The following CHD1 variants were observed in gnomAD, a reference collection of about 807,000 sequenced individuals.
CHD1 encodes the protein ATP-dependent chromatin remodeler CHD1.
A neutral mutation model predicts 224.2 loss-of-function variants in CHD1; 36 were observed. The ratio of observed to expected loss-of-function variants is 0.16; its 90% CI spans 0.12 to 0.21. The LOEUF (loss-of-function observed/expected upper bound fraction) is 0.21. Among genes scored for constraint, CHD1 ranks in the 10% least tolerant of loss-of-function variants. CHD1 has a pLI of 1.00. For missense variants in CHD1, 1,378 were observed against 1,994.8 expected (o/e 0.69, Z 5.89); for synonymous variants, 668 against 658.3 (o/e 1.01, Z -0.23).
intron 1 of CHD1, among the ~76,000 whole-genome samples, chr5:98,927,010 G>A (rs1753512132): frequency 6.6e-6 from 1 of 151,048 alleles, no homozygotes; most frequent in Non-Finnish European, 1.5e-5. Context: ...TTCTGAAAAC[G>A]CTCCCATGGG....
At chr5:98,892,492 G>A in intron 15 of CHD1, 33 bp downstream of exon 15, 4 of 1,501,510 alleles carry the variant, frequency 2.7e-6, no homozygotes, top group Non-Finnish European at 3.6e-6. Flanking sequence ...TTCAGAATTA[G>A]AAGTTCAGAA....
At chr5:98,924,708 G>C (rs2112670643) in intron 2 of CHD1, among the ~76,000 whole-genome samples, 1 of 152,300 alleles carries the variant, frequency 6.6e-6, no homozygotes, top group East Asian at 1.9e-4. Context: ...TGGCGTGGTG[G>C]CTCATGCCTA....
At chr5:98,864,296 T>G (rs1748690377) in intron 31 of CHD1, among the ~76,000 whole-genome samples, 1 of 152,082 alleles carries the variant, frequency 6.6e-6, no homozygotes, top group Admixed American at 6.6e-5. Flanking sequence ...TTTAACATCA[T>G]ATTCACAGAA....
intron 14 of CHD1, 22 bp from the exon 15 acceptor site, chr5:98,892,735 A>C (rs1751099476): frequency 1.3e-6 from 2 of 1,515,154 alleles, no homozygotes; most frequent in African/African-American, 2.8e-5. Flanking sequence ...AAGAAATTGG[A>C]ACAATTACTA....
chr5:98,868,691 A>C (rs1561486548), intron 30 of CHD1, 56 bp from the exon 31 acceptor site: 2 of 1,438,044 alleles, frequency 1.4e-6, no homozygotes, highest in African/African-American at 1.4e-5. Context: ...ACAAAGGCAA[A>C]ATGACTAACA....
chr5:98,918,585 T>C (rs769677612), intron 2 of CHD1, among the ~76,000 whole-genome samples: 4 of 150,434 alleles, frequency 2.7e-5, no homozygotes, highest in African/African-American at 4.9e-5. Flanking sequence ...CTGGCCAACA[T>C]GGTGAAACCC....
chr5:98,872,233 T>G lies in CHD1; in HGVS notation c.3711-32A>C, dbSNP rs374718074. 414 of 1,585,298 alleles carry G rather than the reference T, an allele frequency of 2.6e-4. 2 individuals carry two copies. Among genetic ancestry groups the G allele is most frequent in the Middle Eastern group, 8.5e-4 (5 of 5,894 alleles). Reference sequence around the variant, plus strand: ...TCAAAGTTAATAACTAATGATAAGTTTGTAATTGCCTTAACTGAAAAATTA... The same window carrying G: ...TCAAAGTTAATAACTAATGATAAGTGTGTAATTGCCTTAACTGAAAAATTA... On this transcript the variant is annotated intron_variant, in intron 27 of 35. Transcript: ENST00000614616.
At chr5:98,898,572 C>A in intron 9 of CHD1, 92 bp downstream of exon 9, 1 of 1,209,490 alleles carries the variant, frequency 8.3e-7, no homozygotes, top group Non-Finnish European at 1.2e-6. Flanking sequence ...GAGCAAGCTA[C>A]TGTGTTTGAT....
intron 31 of CHD1, 132 bp downstream of exon 31, chr5:98,868,363 A>G (rs1055966990): frequency 4.1e-6 from 3 of 732,160 alleles, no homozygotes. Context: ...ACACCCTTCA[A>G]ATTTCAAATA....
chr5:98,892,403 C>T (rs1328726523), intron 15 of CHD1, 122 bp downstream of exon 15: 2 of 601,798 alleles, frequency 3.3e-6, no homozygotes, highest in South Asian at 7.7e-5. Context: ...TATTCTGAAA[C>T]TCGAGAATTG....
chr5:98,920,045 CAAA>C (rs1431795840), intron 2 of CHD1, among the ~76,000 whole-genome samples: 1 of 151,840 alleles, frequency 6.6e-6, no homozygotes, highest in African/African-American at 2.4e-5. Context: ...ATTTAAGTAA[CAAA>C]AAAGTCAACT....
intron 2 of CHD1, among the ~76,000 whole-genome samples, chr5:98,915,620 C>T (rs1752683327): frequency 6.6e-6 from 1 of 152,026 alleles, no homozygotes; most frequent in Admixed American, 6.6e-5. Flanking sequence ...ATGAAAATCT[C>T]TAATTCTCTA....
At chr5:98,881,528 G>C (rs62367696) in intron 20 of CHD1, among the ~76,000 whole-genome samples, 153 bp from the exon 21 acceptor site, 1 of 143,804 alleles carries the variant, frequency 7.0e-6, no homozygotes, top group Admixed American at 7.0e-5. Flanking sequence ...TTTTTTTTTG[G>C]AGACAGTGTC....
At position 98,883,080 on chromosome 5, in the gene CHD1, A is replaced by T; in HGVS notation, c.2718+8T>A. ...CAGCAATATAATATAAATTAAAATT[A>T]AAAATACCTGTTTCTTTTGCCCAAT... On this transcript the variant is annotated splice_region_variant and intron_variant, in intron 19 of 35. Transcript: ENST00000614616. 7 of 1,429,964 alleles carry T rather than the reference A, an allele frequency of 4.9e-6. No individual in the cohort carries two copies. Among genetic ancestry groups the T allele is most frequent in the Admixed American group, 6.0e-5 (2 of 33,558 alleles). 88.6% of individuals were successfully genotyped at this position (1,429,964 alleles called of 1,614,324 possible). A position where few individuals can be genotyped will look rare whatever the true frequency, so the allele number is the denominator to read the frequency against.
chr5:98,904,362 TCA>T (rs1472204245), intron 3 of CHD1, among the ~76,000 whole-genome samples: 1 of 152,226 alleles, frequency 6.6e-6, no homozygotes, highest in Non-Finnish European at 1.5e-5. Context: ...TCTTATCTCA[TCA>T]CAGACTGGTA....
At chr5:98,898,212 T>C in intron 10 of CHD1, 44 bp downstream of exon 10, 2 of 1,056,566 alleles carry the variant, frequency 1.9e-6, no homozygotes, top group East Asian at 3.0e-5. Flanking sequence ...ATTTATAATG[T>C]ATAAATATAT....
intron 30 of CHD1, chr5:98,869,432 AAAGT>A (rs1309573885): frequency 2.4e-4 from 66 of 273,598 alleles, no homozygotes; most frequent in African/African-American, 1.3e-3. Flanking sequence ...CCTATAAACT[AAAGT>A]AAGCCAGTCC....
chr5:98,888,332 AG>A, intron 16 of CHD1, 92 bp from the exon 17 acceptor site: 2 of 923,852 alleles, frequency 2.2e-6, no homozygotes, highest in Non-Finnish European at 3.1e-6. Context: ...TTTTAAATTG[AG>A]ATTTTAAATT....
chr5:98,861,685 G>A (rs952303797), intron 32 of CHD1, among the ~76,000 whole-genome samples: 3 of 85,440 alleles, frequency 3.5e-5, no homozygotes, highest in African/African-American at 1.4e-4. Flanking sequence ...TTTTTTTTTT[G>A]TATTTTTAGT....
Sources: allele counts gnomAD v4.1 joint callset (sites outside exome capture counted in the v4.1 genomes callset), GRCh38; gene constraint gnomAD v4.1.1; transcripts MANE v1.5; gene names NCBI Gene and HGNC (gene_info 2026-07-23, HGNC 2026-07-21).